TRPM3: variants seen among roughly 807,000 people sequenced by gnomAD.
TRPM3 encodes long transient receptor potential channel 3.
TRPM3 carries 77 observed loss-of-function variants against 181.2 expected under a neutral mutation model. The ratio of observed to expected loss-of-function variants is 0.42; its 90% CI spans 0.35 to 0.51. The LOEUF (loss-of-function observed/expected upper bound fraction) is 0.51, where lower values mean the gene tolerates loss of function less well. Among genes scored for constraint, TRPM3 ranks in the 20% least tolerant of loss-of-function variants. The pLI, the probability that TRPM3 is intolerant of heterozygous loss-of-function variation, is 0.01. For synonymous variants in TRPM3, 745 were observed against 796.4 expected (o/e 0.94, Z 1.09); for missense variants, 1,759 against 2,196.7 (o/e 0.80, Z 3.98).
intron 1 of TRPM3, among the ~76,000 whole-genome samples, chr9:71,323,112 C>A (rs1379814538): frequency 1.3e-5 from 2 of 152,098 alleles, no homozygotes; most frequent in African/African-American, 4.8e-5. Flanking sequence ...TTTCCCCTTA[C>A]AGTTCACACT....
chr9:71,323,087 A>G (rs2089388955), intron 1 of TRPM3, among the ~76,000 whole-genome samples: 1 of 152,104 alleles, frequency 6.6e-6, no homozygotes, highest in African/African-American at 2.4e-5. Flanking sequence ...TGGAAACACT[A>G]ACACCCCATC....
chr9:71,331,468 C>A (rs1308461394), intron 1 of TRPM3, among the ~76,000 whole-genome samples: 40 of 151,782 alleles, frequency 2.6e-4, no homozygotes, highest in Admixed American at 2.6e-3. Context: ...TTCTCATCTA[C>A]ATTTTATATG....
At chr9:70,598,099 TCC>T (rs1022770419) in intron 21 of TRPM3, among the ~76,000 whole-genome samples, 3 of 152,246 alleles carry the variant, frequency 2.0e-5, no homozygotes, top group Admixed American at 2.0e-4. Flanking sequence ...AATTCCTCCC[TCC>T]CTCTCTCTCC....
At chr9:71,345,856 C>G (rs1454914944) in intron 1 of TRPM3, among the ~76,000 whole-genome samples, 1 of 152,098 alleles carries the variant, frequency 6.6e-6, no homozygotes, top group South Asian at 2.1e-4. Flanking sequence ...ATTAAAATTA[C>G]AAATTACACC....
chr9:71,205,163 T>C (rs1045423974), intron 1 of TRPM3, among the ~76,000 whole-genome samples: 1 of 151,906 alleles, frequency 6.6e-6, no homozygotes, highest in Non-Finnish European at 1.5e-5. Context: ...TGTATACATA[T>C]GTAACTAACC....
chr9:70,607,968 C>T (rs1306845347), intron 19 of TRPM3, among the ~76,000 whole-genome samples: 5 of 152,160 alleles, frequency 3.3e-5, no homozygotes, highest in Non-Finnish European at 2.9e-5. Context: ...TCCTTAAGTT[C>T]GGCCTGAAGT....
rs978871028 is a variant in TRPM3, at chr9:71,392,548, C to G, written c.183+54105G>C. 5.3e-5 allele frequency among the ~76,000 whole-genome samples: 8 copies of G among 151,908 alleles called. 1 individual carries two copies. Among genetic ancestry groups the G allele is most frequent in the Admixed American group, 4.6e-4 (7 of 15,216 alleles). ...ATCCTCTCCATTTTCAAATATGCTGCCTCATTTCTCCTTGTGTCTACATCC... is the reference window on the plus strand; with the variant it reads ...ATCCTCTCCATTTTCAAATATGCTGGCTCATTTCTCCTTGTGTCTACATCC... On this transcript the variant is annotated intron_variant, in intron 1 of 24. Coordinates refer to the TRPM3 transcript ENST00000357533.
chr9:71,421,873 G>A (rs1331201596), intron 1 of TRPM3, among the ~76,000 whole-genome samples: 1 of 152,006 alleles, frequency 6.6e-6, no homozygotes, highest in Non-Finnish European at 1.5e-5. Flanking sequence ...TGTCAAATGT[G>A]TGGTTTGTCG....
chr9:70,589,949 G>C (rs1481483715), intron 22 of TRPM3, among the ~76,000 whole-genome samples: 1 of 152,132 alleles, frequency 6.6e-6, no homozygotes, highest in African/African-American at 2.4e-5. Flanking sequence ...CAGTGGGAGT[G>C]GGGATGCTAA....
chr9:71,106,272 C>T (rs2069536275), intron 1 of TRPM3, among the ~76,000 whole-genome samples: 1 of 152,112 alleles, frequency 6.6e-6, no homozygotes, highest in Non-Finnish European at 1.5e-5. Context: ...TTTGTTCCTT[C>T]CAAATCTCAT....
intron 5 of TRPM3, among the ~76,000 whole-genome samples, chr9:70,834,139 T>G (rs2094142638): frequency 1.3e-5 from 2 of 152,134 alleles, no homozygotes; most frequent in Admixed American, 1.3e-4. Context: ...GCCTTTCAGC[T>G]CGGCAATTCA....
intron 1 of TRPM3, among the ~76,000 whole-genome samples, chr9:70,895,817 TAC>T (rs1307806933): frequency 6.6e-6 from 1 of 152,012 alleles, no homozygotes; most frequent in Non-Finnish European, 1.5e-5. Context: ...ACCCAGAAAC[TAC>T]AGAGTTGATC....
At chr9:71,270,123 G>A (rs919511895) in intron 1 of TRPM3, among the ~76,000 whole-genome samples, 1 of 152,084 alleles carries the variant, frequency 6.6e-6, no homozygotes, top group African/African-American at 2.4e-5. Flanking sequence ...GCCAAGGCAG[G>A]CTCATCACCT....
chr9:70,890,369 C>A (rs1380678845), intron 1 of TRPM3, among the ~76,000 whole-genome samples: 6 of 151,668 alleles, frequency 4.0e-5, no homozygotes, highest in Admixed American at 1.3e-4. Context: ...TAAAGGTTTC[C>A]AGCAAAAGAG....
At chr9:70,643,172 C>G (rs1349523193) in intron 9 of TRPM3, among the ~76,000 whole-genome samples, 5 of 152,170 alleles carry the variant, frequency 3.3e-5, no homozygotes, top group Admixed American at 1.3e-4. Context: ...AACTGGCATA[C>G]ACAAGTGATA....
chr9:70,621,573 C>T (rs1243837663), intron 14 of TRPM3, among the ~76,000 whole-genome samples: 1 of 152,078 alleles, frequency 6.6e-6, no homozygotes, highest in Non-Finnish European at 1.5e-5. Context: ...CACTATGTTG[C>T]CAGGCTGGTC....
intron 1 of TRPM3, among the ~76,000 whole-genome samples, chr9:71,291,776 G>C (rs2085835854): frequency 6.6e-6 from 1 of 151,554 alleles, no homozygotes; most frequent in African/African-American, 2.4e-5. Context: ...CAATCAAAAA[G>C]AAATTATTGA....
At chr9:71,328,600 T>A (rs368156383) in intron 1 of TRPM3, among the ~76,000 whole-genome samples, 2 of 152,338 alleles carry the variant, frequency 1.3e-5, no homozygotes, top group South Asian at 4.1e-4. Context: ...AGAAGACTGA[T>A]TTCGATTCCC....
Position 70,531,343 on chromosome 9 carries a change from A to G in TRPM3, c.*4610T>C, listed in dbSNP as rs2040849766. 6.6e-6 allele frequency: 1 copy of G among 152,186 alleles called. No individual in the cohort carries two copies. The highest frequency in any genetic ancestry group is 2.1e-4 in the South Asian group (1 of 4,818). 9.4% of individuals were successfully genotyped at this position (152,186 alleles called of 1,614,324 possible). On this transcript the variant is annotated 3_prime_UTR_variant, in exon 26 of 26. Coordinates refer to ENST00000677713, the MANE Select transcript of TRPM3 (RefSeq NM_001366145.2). The stretch of plus-strand genomic sequence containing the variant: ...ACTTTTTTTTTGTTTTTAATTTTTC[A>G]AAACTGAACATAATCCCCATAGTAA...
Sources: gnomAD v4.1 joint callset for allele counts (sites outside exome capture counted in the v4.1 genomes callset) on GRCh38, gnomAD v4.1.1 for gene constraint, MANE v1.5 for transcripts, NCBI Gene and HGNC (gene_info 2026-07-23, HGNC 2026-07-21) for gene names.